Variants in VEPH1 observed in about 807,000 individuals in gnomAD.
The protein encoded by VEPH1 is ventricular zone expressed PH domain containing 1.
VEPH1 carries 80 observed loss-of-function variants against 85.2 expected under a neutral mutation model. The ratio of observed to expected loss-of-function variants is 0.94; its 90% CI spans 0.78 to 1.13. The LOEUF (loss-of-function observed/expected upper bound fraction) is 1.13, where lower values mean the gene tolerates loss of function less well. Among genes scored for constraint, VEPH1 ranks in the 50% most tolerant of loss-of-function variants. VEPH1 has a pLI of 0.00. For missense variants in VEPH1, 955 were observed against 980.5 expected (o/e 0.97, Z 0.35); for synonymous variants, 297 against 348.0 (o/e 0.85, Z 1.63).
Position 157,364,519 on chromosome 3 carries a change from G to A in VEPH1, c.1128-7C>T. The A allele has an allele frequency of 1.2e-6, 2 of 1,611,604 alleles. No individual in the cohort carries two copies. On this transcript the variant is annotated splice_polypyrimidine_tract_variant and splice_region_variant and intron_variant, in intron 7 of 13. Transcript: ENST00000362010. ...TTCAGTGCTGATTTTTCTCCTAAAG[G>A]AATATAAATCATTGCATTAGATGCA... is the stretch of plus-strand genomic sequence containing the variant.
chr3:157,452,675 T>G (rs1735069198), intron 4 of VEPH1, among the ~76,000 whole-genome samples: 1 of 84,612 alleles, frequency 1.2e-5, no homozygotes, highest in Non-Finnish European at 2.3e-5. Flanking sequence ...TATGTACATA[T>G]GAGGAAACAG....
chr3:157,485,771 T>G (rs1162250295), intron 2 of VEPH1, among the ~76,000 whole-genome samples: 1 of 151,982 alleles, frequency 6.6e-6, no homozygotes, highest in Non-Finnish European at 1.5e-5. Flanking sequence ...CAAATTACAT[T>G]AAAGTCATCA....
intron 7 of VEPH1, among the ~76,000 whole-genome samples, chr3:157,379,755 C>G (rs1728554509): frequency 6.6e-6 from 1 of 152,206 alleles, no homozygotes; most frequent in African/African-American, 2.4e-5. Context: ...CCACCCTCCT[C>G]CATAACTGAG....
chr3:157,468,978 G>A lies in VEPH1; in HGVS notation c.354+1336C>T, dbSNP rs533416905. Among the ~76,000 whole-genome samples, 221 of 152,254 alleles carry A rather than the reference G, an allele frequency of 1.5e-3. 1 individual carries two copies. Among genetic ancestry groups the A allele is most frequent in the African/African-American group, 5.1e-3 (210 of 41,534 alleles). On this transcript the variant is annotated intron_variant, in intron 3 of 13. Transcript: ENST00000362010. ...TATTCGATAGTGCTGCCCTAAAGAC[G>A]AGTGGTTTTGAACCTGCAGGGGGAG...
chr3:157,476,599 C>A (rs1737495329), intron 2 of VEPH1, among the ~76,000 whole-genome samples: 1 of 152,272 alleles, frequency 6.6e-6, no homozygotes, highest in South Asian at 2.1e-4. Context: ...AACCTTATAT[C>A]CTGTTAAGAT....
chr3:157,397,565 T>C (rs1045355110), intron 6 of VEPH1, among the ~76,000 whole-genome samples: 3 of 152,158 alleles, frequency 2.0e-5, no homozygotes, highest in Admixed American at 2.0e-4. Flanking sequence ...TGGTATGTTT[T>C]TTCATTTGTT....
chr3:157,318,102 T>C (rs1720943510), intron 9 of VEPH1, among the ~76,000 whole-genome samples: 1 of 152,120 alleles, frequency 6.6e-6, no homozygotes, highest in Non-Finnish European at 1.5e-5. Flanking sequence ...GAGAGATGAA[T>C]GATGAATGAT....
intron 11 of VEPH1, among the ~76,000 whole-genome samples, chr3:157,299,078 A>C (rs62281371): frequency 0.22 from 33,312 of 152,094 alleles, 3,810 homozygotes; most frequent in Non-Finnish European, 0.27. Flanking sequence ...AAACCTTTTT[A>C]GATGTGTCTT....
At chr3:157,469,518 C>G (rs1736718567) in intron 3 of VEPH1, among the ~76,000 whole-genome samples, 1 of 152,112 alleles carries the variant, frequency 6.6e-6, no homozygotes, top group South Asian at 2.1e-4. Flanking sequence ...CTGGCCTAAA[C>G]AAGGTTAACC....
chr3:157,366,468 C>T (rs952027835), intron 7 of VEPH1, among the ~76,000 whole-genome samples: 4 of 151,966 alleles, frequency 2.6e-5, no homozygotes, highest in Non-Finnish European at 4.4e-5. Flanking sequence ...GGCACGGTGG[C>T]TTATGCTTGT....
rs1371543425 is a variant in VEPH1, at chr3:157,446,495, T to C, written c.529+13686A>G. Among the ~76,000 whole-genome samples the C allele has an allele frequency of 3.9e-5, 6 of 152,338 alleles. No homozygotes were observed. In the East Asian group the frequency reaches 1.2e-3, roughly 29 times the overall value. On this transcript the variant is annotated intron_variant, in intron 4 of 13. Coordinates refer to ENST00000362010, the MANE Select transcript of VEPH1 (RefSeq NM_001167912.2). The stretch of plus-strand genomic sequence containing the variant: ...ACATTCTACTACCAAGCATATAGTG[T>C]AGAATTGTAGAGCTTTCTATTTACA...
chr3:157,351,106 C>T (rs943477517), intron 9 of VEPH1, among the ~76,000 whole-genome samples: 1 of 151,970 alleles, frequency 6.6e-6, no homozygotes, highest in African/African-American at 2.4e-5. Context: ...AGTTAAGATA[C>T]GGAATCAACC....
chr3:157,281,074 G>T (rs1577227040), intron 12 of VEPH1, among the ~76,000 whole-genome samples: 1 of 148,596 alleles, frequency 6.7e-6, no homozygotes, highest in Non-Finnish European at 1.5e-5. Flanking sequence ...GTAGGTGTGT[G>T]TGCATATGTG....
chr3:157,305,311 GT>G (rs1230208768), intron 11 of VEPH1, among the ~76,000 whole-genome samples: 3 of 151,016 alleles, frequency 2.0e-5, no homozygotes, highest in African/African-American at 7.3e-5. Flanking sequence ...GGGTTTCACC[GT>G]TTTTAGCCGG....
intron 9 of VEPH1, among the ~76,000 whole-genome samples, chr3:157,329,894 G>A (rs1021690487): frequency 5.9e-5 from 9 of 152,148 alleles, no homozygotes; most frequent in African/African-American, 1.9e-4. Context: ...CATGAACTTC[G>A]GGATGAGAAG....
At chr3:157,267,221 G>A (rs112928692) in intron 12 of VEPH1, among the ~76,000 whole-genome samples, 12 of 149,122 alleles carry the variant, frequency 8.0e-5, no homozygotes, top group African/African-American at 2.2e-4. Flanking sequence ...TCAGTCTCCC[G>A]AGTAGCTGAG....
chr3:157,393,008 TG>T (rs1468961642), intron 6 of VEPH1, among the ~76,000 whole-genome samples: 1 of 152,202 alleles, frequency 6.6e-6, no homozygotes, highest in African/African-American at 2.4e-5. Context: ...TGAAGTTTTC[TG>T]GGGTAGAAGA....
At chr3:157,283,172 T>G (rs941032349) in intron 12 of VEPH1, among the ~76,000 whole-genome samples, 1 of 152,232 alleles carries the variant, frequency 6.6e-6, no homozygotes, top group African/African-American at 2.4e-5. Flanking sequence ...ACTGAATGAT[T>G]GCTCTTGAAA....
intron 2 of VEPH1, among the ~76,000 whole-genome samples, chr3:157,483,833 G>C (rs1738371525): frequency 6.6e-6 from 1 of 152,142 alleles, no homozygotes; most frequent in South Asian, 2.1e-4. Context: ...TGCTAGAAGA[G>C]AGTATGTACT....
Sources: gnomAD v4.1 joint callset for allele counts (sites outside exome capture counted in the v4.1 genomes callset) on GRCh38, gnomAD v4.1.1 for gene constraint, MANE v1.5 for transcripts, NCBI Gene and HGNC (gene_info 2026-07-23, HGNC 2026-07-21) for gene names.